Variants in PCDH15 observed in about 807,000 individuals in gnomAD.
The protein encoded by PCDH15 is protocadherin related 15.
In PCDH15, 129 loss-of-function variants were observed where a neutral mutation model predicts 178.5. The ratio of observed to expected loss-of-function variants is 0.72; its 90% confidence interval spans 0.63 to 0.84. The LOEUF (loss-of-function observed/expected upper bound fraction) is 0.84, where lower values mean the gene tolerates loss of function less well. PCDH15 is among the 40% of genes least tolerant of loss of function. PCDH15 has a pLI of 0.00. For synonymous variants in PCDH15, 800 were observed against 732.0 expected (o/e 1.09, Z -1.50); for missense variants, 2,230 against 2,099.9 (o/e 1.06, Z -1.21).
At position 54,132,840 on chromosome 10, in the gene PCDH15, TACACACAC is replaced by T. The variant is rs5785040; in HGVS notation, c.1917+27_1917+34del. ...GCCAAGCTTGTCACTTTAGAATTTA[TACACACAC>T]ACACACACACACACCAAGGAACATA... On this transcript the variant is annotated intron_variant, in intron 15 of 37. Coordinates refer to ENST00000644397, the MANE Select transcript of PCDH15 (RefSeq NM_001384140.1). 9 of 1,496,272 alleles carry T rather than the reference TACACACAC, an allele frequency of 6.0e-6. No homozygotes were observed. The South Asian group carries it at 7.3e-5, about 12-fold the overall frequency. 92.7% of individuals were successfully genotyped at this position (1,496,272 alleles called of 1,614,324 possible).
chr10:55,068,630 T>G lies in PCDH15; in HGVS notation c.-80+97946A>C, dbSNP rs539860898. Among the ~76,000 whole-genome samples, 6 of 152,190 alleles carry G rather than the reference T, an allele frequency of 3.9e-5. No homozygotes were observed. The South Asian group carries it at 1.0e-3, about 26-fold the overall frequency. On this transcript the variant is annotated intron_variant, in intron 2 of 5. Coordinates refer to the PCDH15 transcript ENST00000458638. Reference sequence around the variant, plus strand: ...GGATATTTTTTATTTCTGTGAAAAATGATAGTGCTATTTTCATAGGGATTA... The same window carrying G: ...GGATATTTTTTATTTCTGTGAAAAAGGATAGTGCTATTTTCATAGGGATTA...
At chr10:55,434,929 C>T (rs1156761731) in intron 2 of PCDH15, among the ~76,000 whole-genome samples, 2 of 152,086 alleles carry the variant, frequency 1.3e-5, no homozygotes, top group Non-Finnish European at 2.9e-5. Context: ...AAACTCAAAA[C>T]TTCTAATAGT....
chr10:54,484,740 G>A (rs941796766), intron 3 of PCDH15, among the ~76,000 whole-genome samples: 2 of 151,772 alleles, frequency 1.3e-5, no homozygotes, highest in Admixed American at 6.6e-5. Flanking sequence ...GAAATCGAAC[G>A]ACAATGCAAG....
chr10:55,572,654 A>G (rs1446791271), intron 2 of PCDH15, among the ~76,000 whole-genome samples: 1 of 152,030 alleles, frequency 6.6e-6, no homozygotes, highest in Non-Finnish European at 1.5e-5. Context: ...GTGATGAAAT[A>G]TAAATCACGT....
chr10:54,783,316 A>G (rs1292873521), intron 1 of PCDH15, among the ~76,000 whole-genome samples: 1 of 152,126 alleles, frequency 6.6e-6, no homozygotes, highest in African/African-American at 2.4e-5. Context: ...GAACTGGAAA[A>G]TTCAGTGACT....
intron 23 of PCDH15, among the ~76,000 whole-genome samples, chr10:53,951,743 A>G (rs2087074301): frequency 6.6e-6 from 1 of 152,120 alleles, no homozygotes; most frequent in Admixed American, 6.5e-5. Context: ...TTTCAGGCCT[A>G]CTGGGCTTGT....
At chr10:54,806,821 G>A (rs993816683) in intron 3 of PCDH15, among the ~76,000 whole-genome samples, 9 of 152,148 alleles carry the variant, frequency 5.9e-5, no homozygotes, top group African/African-American at 2.2e-4. Context: ...CTTGGCTGAA[G>A]CTTGCTTCAG....
chr10:54,311,742 T>C (rs2060922519), intron 8 of PCDH15, among the ~76,000 whole-genome samples: 1 of 152,060 alleles, frequency 6.6e-6, no homozygotes, highest in Admixed American at 6.6e-5. Context: ...TTAGTGTTTG[T>C]GAAAACATTA....
At chr10:54,797,527 C>CAA (rs1952162775) in intron 1 of PCDH15, among the ~76,000 whole-genome samples, 1 of 151,408 alleles carries the variant, frequency 6.6e-6, no homozygotes, top group Non-Finnish European at 1.5e-5. Context: ...CACACACACA[C>CAA]ACACACACAC....
At chr10:55,228,301 G>A (rs996219193) in intron 1 of PCDH15, among the ~76,000 whole-genome samples, 1 of 151,826 alleles carries the variant, frequency 6.6e-6, no homozygotes, top group Non-Finnish European at 1.5e-5. Flanking sequence ...TACGTCAAGT[G>A]TTATTTTTAA....
At chr10:55,403,503 G>A (rs1838124296) in intron 2 of PCDH15, among the ~76,000 whole-genome samples, 2 of 151,520 alleles carry the variant, frequency 1.3e-5, no homozygotes, top group South Asian at 4.2e-4. Context: ...TTATAGTTTT[G>A]AGTATATTTA....
chr10:53,822,567 C>A lies in PCDH15; in HGVS notation c.4368-2337G>T, dbSNP rs202082560. On this transcript the variant is annotated intron_variant, in intron 32 of 37. Coordinates refer to ENST00000644397, the MANE Select transcript of PCDH15 (RefSeq NM_001384140.1). ...TCTTTCGGTTTCAATAGGTAACATA[C>A]AAATAGGTGTCTCTCTCCTAGAGAG... is the stretch of plus-strand genomic sequence containing the variant. The A allele has an allele frequency of 3.7e-6, 6 of 1,613,840 alleles. No individual in the cohort carries two copies. The highest frequency in any genetic ancestry group is 1.1e-5 in the South Asian group (1 of 91,076).
chr10:55,484,018 G>C (rs1042657646), intron 2 of PCDH15, among the ~76,000 whole-genome samples: 9 of 151,808 alleles, frequency 5.9e-5, no homozygotes, highest in African/African-American at 2.2e-4. Context: ...GATGGATCTG[G>C]AGGCCATTAT....
At chr10:53,952,771 C>T (rs753961627) in intron 23 of PCDH15, among the ~76,000 whole-genome samples, 1 of 152,260 alleles carries the variant, frequency 6.6e-6, no homozygotes, top group Non-Finnish European at 1.5e-5. Flanking sequence ...CCCACCTTGG[C>T]TTCTCTCCCA....
At chr10:53,973,258 A>C (rs1002592740) in intron 21 of PCDH15, among the ~76,000 whole-genome samples, 4 of 135,328 alleles carry the variant, frequency 3.0e-5, no homozygotes, top group African/African-American at 1.1e-4. Flanking sequence ...ACTTGGACAC[A>C]GGGCGAGGAA....
At chr10:55,041,587 T>G (rs1399429037) in intron 2 of PCDH15, among the ~76,000 whole-genome samples, 1 of 152,108 alleles carries the variant, frequency 6.6e-6, no homozygotes. Context: ...TTATAAATGT[T>G]TAAGAATGGC....
intron 25 of PCDH15, among the ~76,000 whole-genome samples, chr10:53,909,786 T>C (rs2082940719): frequency 6.6e-6 from 1 of 152,188 alleles, no homozygotes; most frequent in South Asian, 2.1e-4. Flanking sequence ...ATCTGGTAAA[T>C]GGGGACAGTG....
intron 8 of PCDH15, among the ~76,000 whole-genome samples, chr10:54,288,373 C>A (rs942214014): frequency 6.7e-6 from 1 of 149,898 alleles, no homozygotes; most frequent in African/African-American, 2.5e-5. Context: ...ATCCTTTTTT[C>A]TGGTAAAATT....
At chr10:54,614,782 T>A (rs1173219248) in intron 2 of PCDH15, among the ~76,000 whole-genome samples, 2 of 151,818 alleles carry the variant, frequency 1.3e-5, no homozygotes, top group Non-Finnish European at 2.9e-5. Context: ...GGAACAAGGG[T>A]TTGGGATCAA....
Sources: gnomAD v4.1 joint callset for allele counts (sites outside exome capture counted in the v4.1 genomes callset) on GRCh38, gnomAD v4.1.1 for gene constraint, MANE v1.5 for transcripts, NCBI Gene and HGNC (gene_info 2026-07-23, HGNC 2026-07-21) for gene names.